The following NCMAP variants were observed in gnomAD, a reference collection of about 807,000 sequenced individuals.
The protein encoded by NCMAP is non-compact myelin associated protein.
Under a neutral mutation model 7.8 loss-of-function variants are expected in NCMAP, and 8 were observed. The ratio of observed to expected loss-of-function variants is 1.02; its 90% CI spans 0.60 to 1.84. NCMAP has a LOEUF of 1.84. Ranked by LOEUF, NCMAP falls within the 40% of genes most tolerant of loss-of-function variation. NCMAP has a pLI of 0.00. For missense variants in NCMAP, 112 were observed against 131.4 expected, an observed-to-expected ratio of 0.85 and a Z score of 0.72; for synonymous variants, 41 against 52.9, an observed-to-expected ratio of 0.78 and a Z score of 0.98.
At chr1:24,582,459 A>G (rs1310143078) in intron 1 of NCMAP, among the ~76,000 whole-genome samples, 1 of 152,156 alleles carries the variant, frequency 6.6e-6, no homozygotes, top group Admixed American at 6.6e-5. Flanking sequence ...GAGTGGGCCC[A>G]ATGTCATCGT....
rs984890321 is a variant in NCMAP at position 24,576,391 on chromosome 1, C to A, written c.-7-19033C>A. On this transcript the variant is annotated intron_variant, in intron 1 of 3. Transcript: ENST00000374392. The surrounding 1 kb of genome is among the most constrained non-coding windows in gnomAD (Gnocchi z 4.0). ...TGACTGGCCACTGGCCAGCTCACAC[C>A]GTGGGCAGCTTGAACGGCTGGGATT... is the stretch of plus-strand genomic sequence containing the variant. 6.6e-6 allele frequency among the ~76,000 whole-genome samples: 1 copy of A among 152,210 alleles called. No homozygotes were observed. The highest frequency in any genetic ancestry group is 2.4e-5 in the African/African-American group (1 of 41,456).
chr1:24,604,599 AAAAAAAATATATATATATATATATATAT>A lies in NCMAP; in HGVS notation c.168-1005_168-978del, dbSNP rs1342995164. ...AAAAAAAAAAAAAAAAAAAAAAAAA[AAAAAAAATATATATATATATATATATAT>A]ATATATATATATATATATATATATA... is the stretch of plus-strand genomic sequence containing the variant. On this transcript the variant is annotated intron_variant, in intron 3 of 3. Transcript: ENST00000374392. Among the ~76,000 whole-genome samples, 42 of 60,878 alleles carry A rather than the reference AAAAAAAATATATATATATATATATATAT, an allele frequency of 6.9e-4. 2 individuals carry two copies. The highest frequency in any genetic ancestry group is 3.9e-3 in the African/African-American group (36 of 9,314). 39.9% of individuals were successfully genotyped at this position (60,878 alleles called of 152,430 possible).
rs773992579 is a variant in NCMAP at position 24,571,655 on chromosome 1, G to T, written c.-8+15486G>T. On this transcript the variant is annotated intron_variant, in intron 1 of 3. Transcript: ENST00000374392. ...GGCTGAAGTGACATGGCACGATCTC[G>T]GCTCACTGCAACCTCTGCCTCCCGG... Among the ~76,000 whole-genome samples, 4 of 149,310 alleles carry T rather than the reference G, an allele frequency of 2.7e-5. No homozygotes were observed. In the South Asian group the frequency reaches 6.3e-4, roughly 23 times the overall value.
intron 1 of NCMAP, among the ~76,000 whole-genome samples, chr1:24,577,771 T>G (rs1448076052): frequency 6.6e-6 from 1 of 152,016 alleles, no homozygotes; most frequent in Non-Finnish European, 1.5e-5. Context: ...CTCGGAAACC[T>G]CAGTTCGAGC....
intron 1 of NCMAP, among the ~76,000 whole-genome samples, chr1:24,580,077 C>T (rs1312410320): frequency 6.6e-6 from 1 of 152,136 alleles, no homozygotes; most frequent in African/African-American, 2.4e-5. Context: ...CCAGAGCTGC[C>T]GGTGCTGCTG....
chr1:24,604,603 A>ATAT (rs1557605295), intron 3 of NCMAP, among the ~76,000 whole-genome samples: 1 of 41,374 alleles, frequency 2.4e-5, no homozygotes, highest in African/African-American at 1.8e-4. Flanking sequence ...AAAAAAAAAA[A>ATAT]AAATATATAT....
chr1:24,561,492 G>T (rs2148924510), intron 1 of NCMAP, among the ~76,000 whole-genome samples: 1 of 152,174 alleles, frequency 6.6e-6, no homozygotes, highest in Middle Eastern at 3.4e-3. Flanking sequence ...AAGTAATCTG[G>T]GCATCATGCC....
At chr1:24,573,357 A>G (rs1186621231) in intron 1 of NCMAP, among the ~76,000 whole-genome samples, 2 of 150,746 alleles carry the variant, frequency 1.3e-5, no homozygotes, top group African/African-American at 2.5e-5. Context: ...TTGAGAGGCC[A>G]AGGTCGTGGA....
chr1:24,563,570 A>T (rs988056942), intron 1 of NCMAP: 1 of 151,854 alleles, frequency 6.6e-6, no homozygotes, highest in Non-Finnish European at 1.5e-5. Flanking sequence ...AAAGAAATTC[A>T]GTGACTTCTG....
At chr1:24,564,248 G>A (rs984430554) in intron 1 of NCMAP, among the ~76,000 whole-genome samples, 4 of 151,988 alleles carry the variant, frequency 2.6e-5, no homozygotes, top group African/African-American at 9.7e-5. Context: ...AGTGGCTCAC[G>A]CCTGTAATCC....
chr1:24,577,637 T>C (rs1007105786), intron 1 of NCMAP, among the ~76,000 whole-genome samples: 2 of 151,894 alleles, frequency 1.3e-5, no homozygotes, highest in African/African-American at 4.8e-5. Flanking sequence ...TCATTTGGAG[T>C]TGAATTTTTT....
intron 1 of NCMAP, among the ~76,000 whole-genome samples, chr1:24,560,147 C>G (rs1379743742): frequency 7.3e-6 from 1 of 136,980 alleles, no homozygotes; most frequent in South Asian, 2.3e-4. Flanking sequence ...GGCGACAGAG[C>G]CAGACTCCAT....
At chr1:24,599,514 T>C (rs1386782592) in intron 2 of NCMAP, among the ~76,000 whole-genome samples, 1 of 151,952 alleles carries the variant, frequency 6.6e-6, no homozygotes, top group Non-Finnish European at 1.5e-5. Context: ...TGAAGAAAAA[T>C]ATATAATTAA....
Position 24,608,713 on chromosome 1 carries a change from C to T in NCMAP, c.*2966C>T, listed in dbSNP as rs12060057. 8,173 of 153,046 alleles carry T rather than the reference C, an allele frequency of 0.053. 746 individuals are homozygous for T. Among genetic ancestry groups the T allele is most frequent in the African/African-American group, 0.19 (7,732 of 41,448 alleles). The allele number at this position is 153,046 out of a possible 1,614,324, so 9.5% of individuals were successfully genotyped here. A position where few individuals can be genotyped will look rare whatever the true frequency, so the allele number is the denominator to read the frequency against. Reference sequence around the variant, plus strand: ...GAGTTCAAGACTAGCCTGGGCAACACGGCGAAACCTCGTCTCTACAAAAAA... The same window carrying T: ...GAGTTCAAGACTAGCCTGGGCAACATGGCGAAACCTCGTCTCTACAAAAAA... On this transcript the variant is annotated 3_prime_UTR_variant, in exon 4 of 4. Coordinates refer to ENST00000374392, the MANE Select transcript of NCMAP (RefSeq NM_001010980.5).
intron 1 of NCMAP, among the ~76,000 whole-genome samples, chr1:24,592,826 G>A (rs945606092): frequency 2.0e-5 from 3 of 152,148 alleles, no homozygotes; most frequent in African/African-American, 7.2e-5. Flanking sequence ...GGCTGAGGCA[G>A]GAGAATGGCG....
chr1:24,556,574 G>A (rs188068465), intron 1 of NCMAP, among the ~76,000 whole-genome samples: 49 of 152,298 alleles, frequency 3.2e-4, no homozygotes, highest in Admixed American at 2.3e-3. Context: ...GCCTTGATGG[G>A]TCTGCCCTAT....
chr1:24,592,261 T>C (rs1008541054), intron 1 of NCMAP, among the ~76,000 whole-genome samples: 4 of 152,154 alleles, frequency 2.6e-5, no homozygotes, highest in African/African-American at 7.2e-5. Flanking sequence ...GGGAAATGAT[T>C]GTTTTTTGAG....
At chr1:24,557,432 T>C (rs1650930259) in intron 1 of NCMAP, among the ~76,000 whole-genome samples, 1 of 151,550 alleles carries the variant, frequency 6.6e-6, no homozygotes, top group African/African-American at 2.4e-5. Context: ...TGTGTGTGCA[T>C]GTGGGTGTGT....
chr1:24,607,987 A>G lies in NCMAP; in HGVS notation c.*2240A>G, dbSNP rs1397903211. The G allele has an allele frequency of 6.6e-6, 1 of 152,262 alleles. No homozygotes were observed. The highest frequency in any genetic ancestry group is 2.4e-5 in the African/African-American group (1 of 41,470). The allele number at this position is 152,262 out of a possible 1,614,324, so 9.4% of individuals were successfully genotyped here. The stretch of plus-strand genomic sequence containing the variant: ...CTCTGTGGAATAGCTCTGGAGAAAT[A>G]CTGGCACATTCTTCCTCTCTGGTCA... On this transcript the variant is annotated 3_prime_UTR_variant, in exon 4 of 4. Coordinates refer to ENST00000374392, the MANE Select transcript of NCMAP (RefSeq NM_001010980.5).
Sources: gnomAD v4.1 joint callset for allele counts (sites outside exome capture counted in the v4.1 genomes callset) on GRCh38, gnomAD v4.1.1 for gene constraint, Gnocchi (gnomAD v3.1) non-coding constraint, MANE v1.5 for transcripts, NCBI Gene and HGNC (gene_info 2026-07-23, HGNC 2026-07-21) for gene names.